The following TRIM38 variants were observed in gnomAD, a reference collection of about 807,000 sequenced individuals.
TRIM38 encodes the protein tripartite motif containing 38.
In TRIM38, 35 loss-of-function variants were observed where a neutral mutation model predicts 35.8. That is an observed-to-expected ratio of 0.98 (90% CI 0.75 to 1.30). The LOEUF (loss-of-function observed/expected upper bound fraction) is 1.30, where lower values mean the gene tolerates loss of function less well. Ranked by LOEUF, TRIM38 falls within the 50% of genes most tolerant of loss-of-function variation. TRIM38 has a pLI of 0.00. For missense variants in TRIM38, 545 were observed against 556.9 expected (o/e 0.98, Z 0.21); for synonymous variants, 198 against 204.7 (o/e 0.97, Z 0.28).
Position 25,983,325 on chromosome 6 carries a change from A to C in TRIM38, c.1036A>C (p.Arg346=). ...VLGCEGFTSG[R]RYFEVDVGEG... ...GGGTTGTGAAGGCTTCACCTCAGGA[A>C]GACGTTACTTTGAAGTGGATGTTGG... The change falls in exon 8 of 8, where the codon AGA becomes CGA. Residue 346 remains arginine (R), a synonymous_variant. Transcript: ENST00000357085. 6.2e-7 allele frequency: 1 copy of C among 1,614,118 alleles called. No homozygotes were observed. The highest frequency in any genetic ancestry group is 2.2e-5 in the East Asian group (1 of 44,872).
Position 25,967,684 on chromosome 6 carries a change from G to A in TRIM38, c.411+751G>A, listed in dbSNP as rs188941501. Among the ~76,000 whole-genome samples the A allele has an allele frequency of 2.0e-5, 3 of 151,838 alleles. No individual in the cohort carries two copies. In the East Asian group the frequency reaches 5.8e-4, roughly 29 times the overall value. Reference sequence around the variant, plus strand: ...CCCAAGTAGCTAGGACTACAGGGATGCCCCACCATACCTGGATAATTTTTT... The same window carrying A: ...CCCAAGTAGCTAGGACTACAGGGATACCCCACCATACCTGGATAATTTTTT... On this transcript the variant is annotated intron_variant, in intron 3 of 7. Coordinates refer to ENST00000357085, the MANE Select transcript of TRIM38 (RefSeq NM_006355.5).
intron 4 of TRIM38, among the ~76,000 whole-genome samples, chr6:25,970,838 A>T (rs1411002478): frequency 1.3e-5 from 2 of 152,198 alleles, no homozygotes; most frequent in African/African-American, 4.8e-5. Flanking sequence ...ATTGCCCTGA[A>T]TACACACTCC....
intron 7 of TRIM38, among the ~76,000 whole-genome samples, chr6:25,979,562 A>G (rs1256380201): frequency 1.3e-5 from 2 of 151,848 alleles, no homozygotes; most frequent in Non-Finnish European, 2.9e-5. Flanking sequence ...TATTCATTCC[A>G]TTTGTGCCTT....
chr6:25,971,079 G>T (rs983018858), intron 4 of TRIM38, among the ~76,000 whole-genome samples: 2 of 152,152 alleles, frequency 1.3e-5, no homozygotes, highest in African/African-American at 4.8e-5. Flanking sequence ...TCCAGTCTGG[G>T]TGATGTTCAT....
intron 2 of TRIM38, among the ~76,000 whole-genome samples, chr6:25,964,210 A>G (rs184208302): frequency 2.0e-5 from 3 of 152,354 alleles, no homozygotes; most frequent in Admixed American, 2.0e-4. Context: ...AGCCTTATTT[A>G]TAAATACTTA....
chr6:25,973,441 T>C, intron 7 of TRIM38, 156 bp downstream of exon 7: 1 of 985,480 alleles, frequency 1.0e-6, no homozygotes, highest in Non-Finnish European at 1.2e-6. Context: ...TATGATTCAC[T>C]GCTCAGTGAA....
chr6:25,983,199 G>C lies in TRIM38; in HGVS notation c.910G>C (p.Glu304Gln). 1 of 1,609,286 alleles carries C rather than the reference G, an allele frequency of 6.2e-7. No homozygotes were observed. Among genetic ancestry groups the C allele is most frequent in the Non-Finnish European group, 8.5e-7 (1 of 1,177,716 alleles). The change falls in exon 8 of 8, where the codon GAA becomes CAA. Residue 304 changes from glutamate (E) to glutamine (Q), a missense_variant. Coordinates refer to ENST00000357085, the MANE Select transcript of TRIM38 (RefSeq NM_006355.5). ...TCTGGATCCAGATACAGCTCATCACGAACTAATTCTCTCTGAGGATCGGAG... is the reference window on the plus strand; with the variant it reads ...TCTGGATCCAGATACAGCTCATCACCAACTAATTCTCTCTGAGGATCGGAG... Reference protein sequence around the residue: ...VTLDPDTAHHELILSEDRRQV... With the variant: ...VTLDPDTAHHQLILSEDRRQV...
chr6:25,975,902 ATTTCTTTTGGGAACATACC>A, intron 7 of TRIM38, among the ~76,000 whole-genome samples: 1 of 152,230 alleles, frequency 6.6e-6, no homozygotes, highest in East Asian at 1.9e-4. Flanking sequence ...TGGTGCTTTC[ATTTCTTTTGGGAACATACC>A]CCAAACTGGG....
Position 25,988,624 on chromosome 6 carries a change from G to A in TRIM38, c.*4937G>A, listed in dbSNP as rs371411614. ...TTCTCATATCTCAGCCTCCCGAGTAGCTGGGATTACAGGCTCACGCCACTA... is the reference window on the plus strand; with the variant it reads ...TTCTCATATCTCAGCCTCCCGAGTAACTGGGATTACAGGCTCACGCCACTA... On this transcript the variant is annotated 3_prime_UTR_variant, in exon 8 of 8. Transcript: ENST00000357085. 2.0e-5 allele frequency: 3 copies of A among 150,176 alleles called. No individual in the cohort carries two copies. Among genetic ancestry groups the A allele is most frequent in the African/African-American group, 4.9e-5 (2 of 40,746 alleles). 9.3% of individuals were successfully genotyped at this position (150,176 alleles called of 1,614,324 possible).
In TRIM38 at chr6:25,966,648, C is replaced by G. The variant is rs1221616786; in HGVS notation, c.126C>G (p.Asp42Glu). The G allele has an allele frequency of 6.2e-7, 1 of 1,614,058 alleles. No homozygotes were observed. Among genetic ancestry groups the G allele is most frequent in the Non-Finnish European group, 8.5e-7 (1 of 1,180,046 alleles). The change falls in exon 3 of 8, where the codon GAC (aspartate) becomes GAG (glutamate). Residue 42 changes from aspartate (D) to glutamate (E), a missense_variant. Asp to Glu is a conservative substitution (Grantham distance 45). Transcript: ENST00000357085. ...GHSYCHLCIT[D>E]FFKNPSQKQL... Reference sequence around the variant, plus strand: ...GCTACTGCCACTTGTGTATAACAGACTTCTTTAAAAACCCAAGCCAAAAGC... The same window carrying G: ...GCTACTGCCACTTGTGTATAACAGAGTTCTTTAAAAACCCAAGCCAAAAGC...
At chr6:25,966,162 T>A (rs1760034670) in intron 2 of TRIM38, among the ~76,000 whole-genome samples, 173 bp from the exon 3 acceptor site, 1 of 152,190 alleles carries the variant, frequency 6.6e-6, no homozygotes, top group Non-Finnish European at 1.5e-5. Flanking sequence ...AAGCTTATGC[T>A]ATTTTAATGT....
intron 2 of TRIM38, among the ~76,000 whole-genome samples, chr6:25,965,079 C>T (rs372340121): frequency 2.2e-4 from 33 of 152,290 alleles, no homozygotes; most frequent in African/African-American, 7.5e-4. Context: ...TCCCAAAGTG[C>T]TAGGATTACA....
At chr6:25,977,534 G>A (rs1218487161) in intron 7 of TRIM38, among the ~76,000 whole-genome samples, 4 of 152,270 alleles carry the variant, frequency 2.6e-5, no homozygotes, top group African/African-American at 7.2e-5. Flanking sequence ...GCCAGGTGTG[G>A]TGGTGTGCAC....
chr6:25,981,528 G>A (rs529444684), intron 7 of TRIM38, among the ~76,000 whole-genome samples: 1 of 152,266 alleles, frequency 6.6e-6, no homozygotes, highest in Admixed American at 6.5e-5. Flanking sequence ...TTTTAAAACT[G>A]CATACTGTTC....
At chr6:25,971,057 G>A (rs1247099733) in intron 4 of TRIM38, among the ~76,000 whole-genome samples, 1 of 152,120 alleles carries the variant, frequency 6.6e-6, no homozygotes, top group Non-Finnish European at 1.5e-5. Context: ...TACCAGCCTG[G>A]TTGTCTTAAA....
chr6:25,964,086 C>T (rs190986793), intron 2 of TRIM38, among the ~76,000 whole-genome samples: 2 of 151,912 alleles, frequency 1.3e-5, no homozygotes, highest in African/African-American at 2.4e-5. Context: ...ACTGAAAAAT[C>T]GACTCACAAA....
intron 7 of TRIM38, among the ~76,000 whole-genome samples, chr6:25,980,091 T>A (rs1760502630): frequency 6.6e-6 from 1 of 152,206 alleles, no homozygotes; most frequent in Admixed American, 6.5e-5. Flanking sequence ...TAGTGCATGT[T>A]CCATCTATAC....
At chr6:25,973,410 T>G (rs902779715) in intron 7 of TRIM38, 125 bp downstream of exon 7, 59 of 1,457,942 alleles carry the variant, frequency 4.0e-5, no homozygotes, top group Admixed American at 5.0e-5. Context: ...TCAGTAGAGC[T>G]TTCATACTTT....
chr6:25,962,940 T>A (rs918502804), intron 1 of TRIM38, 85 bp downstream of exon 1: 1 of 152,486 alleles, frequency 6.6e-6, no homozygotes, highest in Non-Finnish European at 1.5e-5. Flanking sequence ...TGATGGCAAG[T>A]GGGGTGGGGA....
Sources: gnomAD v4.1 joint callset for allele counts (sites outside exome capture counted in the v4.1 genomes callset) on GRCh38, gnomAD v4.1.1 for gene constraint, MANE v1.5 for transcripts, NCBI Gene and HGNC (gene_info 2026-07-23, HGNC 2026-07-21) for gene names.